CTNNA2: variants seen among roughly 807,000 people sequenced by gnomAD.
CTNNA2 encodes the protein catenin alpha-2.
CTNNA2 carries 42 observed loss-of-function variants against 101.0 expected under a neutral mutation model. That is an observed-to-expected ratio of 0.42 (90% CI 0.32 to 0.54). CTNNA2 has a LOEUF of 0.54. Among genes scored for constraint, CTNNA2 ranks in the 20% least tolerant of loss-of-function variants. The probability of loss-of-function intolerance (pLI) is 0.14; values close to 1 mark genes in which losing one functional copy is unlikely to be tolerated. For synonymous variants in CTNNA2, 450 were observed against 456.4 expected (o/e 0.99, Z 0.18); for missense variants, 871 against 1,223.1 (o/e 0.71, Z 4.29).
chr2:79,731,656 C>A (rs1573816673), intron 2 of CTNNA2, among the ~76,000 whole-genome samples: 1 of 151,994 alleles, frequency 6.6e-6, no homozygotes, highest in South Asian at 2.1e-4. Flanking sequence ...CTAGTGGAGG[C>A]TTGGTAAGGA....
chr2:79,322,687 C>T (rs1434171), intron 3 of CTNNA2, among the ~76,000 whole-genome samples: 150,081 of 152,298 alleles, frequency 0.99, 73,970 homozygotes, highest in East Asian at 1. Flanking sequence ...TTCCATTGCT[C>T]CATTCAATTC....
At chr2:79,754,815 T>C (rs1047145757) in intron 3 of CTNNA2, among the ~76,000 whole-genome samples, 12 of 152,042 alleles carry the variant, frequency 7.9e-5, no homozygotes, top group African/African-American at 2.9e-4. Flanking sequence ...TTGCTGGTCT[T>C]AGGGTAAGAT....
intron 4 of CTNNA2, among the ~76,000 whole-genome samples, chr2:79,455,138 G>A (rs1382950522): frequency 1.3e-5 from 2 of 152,176 alleles, no homozygotes; most frequent in African/African-American, 4.8e-5. Context: ...AAATGACTAT[G>A]CTCATCATGC....
intron 7 of CTNNA2, among the ~76,000 whole-genome samples, chr2:79,973,312 C>T (rs890226979): frequency 3.3e-5 from 5 of 152,060 alleles, no homozygotes; most frequent in South Asian, 2.1e-4. Context: ...GATGGATGGC[C>T]TCTGGGATTC....
intron 7 of CTNNA2, among the ~76,000 whole-genome samples, chr2:80,076,327 G>A (rs929854221): frequency 6.6e-6 from 1 of 151,126 alleles, no homozygotes; most frequent in Non-Finnish European, 1.5e-5. Flanking sequence ...TGCTAAGGCT[G>A]GAGTACAGTG....
In CTNNA2 at chr2:79,832,908, T is replaced by G. The variant is rs931155956; in HGVS notation, c.299-25105T>G. Among the ~76,000 whole-genome samples, 32 of 152,366 alleles carry G rather than the reference T, an allele frequency of 2.1e-4. 1 individual carries two copies. The highest frequency in any genetic ancestry group is 1.1e-3 in the Admixed American group (17 of 15,306). On this transcript the variant is annotated intron_variant, in intron 3 of 18. Transcript: ENST00000402739. ...TACTATTCTCGTAAATTTTAAACCT[T>G]ATTTGTTTTCCATTGCTACTGATTA... is the stretch of plus-strand genomic sequence containing the variant.
chr2:79,255,409 C>T (rs1674831295), intron 2 of CTNNA2, among the ~76,000 whole-genome samples: 1 of 152,162 alleles, frequency 6.6e-6, no homozygotes, highest in Non-Finnish European at 1.5e-5. Context: ...ATACATGGTA[C>T]ATTACTGGTA....
intron 4 of CTNNA2, among the ~76,000 whole-genome samples, chr2:79,430,107 C>G (rs995472652): frequency 6.6e-6 from 1 of 151,888 alleles, no homozygotes; most frequent in African/African-American, 2.4e-5. Flanking sequence ...TTGAGAGAAG[C>G]AAAAATCTCA....
chr2:79,991,433 G>A (rs1267676488), intron 7 of CTNNA2, among the ~76,000 whole-genome samples: 2 of 151,698 alleles, frequency 1.3e-5, no homozygotes, highest in Non-Finnish European at 2.9e-5. Flanking sequence ...ATAACCTTGC[G>A]CAGGTGACTT....
rs182110221 is a variant in CTNNA2, at chr2:79,879,285, T to A, written c.852+4943T>A. On this transcript the variant is annotated intron_variant, in intron 6 of 18. Coordinates refer to ENST00000402739, the MANE Select transcript of CTNNA2 (RefSeq NM_001282597.3). ...GCTTTGTTCTTTTTGCTTAGGATTG[T>A]CTTGGCTATACGGGGTCTTCTTTAA... is the stretch of plus-strand genomic sequence containing the variant. 1.7e-3 allele frequency among the ~76,000 whole-genome samples: 253 copies of A among 152,288 alleles called. 1 individual carries two copies. Among genetic ancestry groups the A allele is most frequent in the Admixed American group, 2.2e-3 (34 of 15,292 alleles).
At chr2:80,130,054 AAAG>A (rs781067194) in intron 7 of CTNNA2, among the ~76,000 whole-genome samples, 13 of 152,136 alleles carry the variant, frequency 8.5e-5, no homozygotes, top group Non-Finnish European at 1.6e-4. Context: ...AACCTGATCA[AAAG>A]AAGAAGAGAA....
chr2:79,884,903 T>C (rs1402614264), intron 6 of CTNNA2, among the ~76,000 whole-genome samples: 1 of 152,076 alleles, frequency 6.6e-6, no homozygotes, highest in East Asian at 1.9e-4. Flanking sequence ...CTGGCAAGAA[T>C]TGTATGTAGG....
intron 1 of CTNNA2, among the ~76,000 whole-genome samples, chr2:79,572,249 C>T (rs1178920464): frequency 6.6e-6 from 1 of 152,052 alleles, no homozygotes; most frequent in African/African-American, 2.4e-5. Context: ...CTTGTGGTCT[C>T]CACCAGCTTC....
intron 7 of CTNNA2, among the ~76,000 whole-genome samples, chr2:80,092,035 G>C (rs541509746): frequency 1.3e-5 from 2 of 152,080 alleles, no homozygotes; most frequent in Non-Finnish European, 1.5e-5. Flanking sequence ...ATTTACTTTT[G>C]TGTCTCTAGC....
At chr2:80,075,532 T>TTATAAAAATAATA (rs1698619851) in intron 7 of CTNNA2, among the ~76,000 whole-genome samples, 2 of 144,950 alleles carry the variant, frequency 1.4e-5, no homozygotes, top group African/African-American at 5.0e-5. Context: ...AAAAAATAAC[T>TTATAAAAATAATA]GTTATAAAAA....
chr2:79,649,307 C>T (rs1681049749), intron 1 of CTNNA2: 1 of 154,696 alleles, frequency 6.5e-6, no homozygotes, highest in African/African-American at 2.4e-5. Context: ...TGCAGTCTTA[C>T]CCAGTACCTG....
At chr2:80,583,280 T>C (rs1695695145) in intron 14 of CTNNA2, among the ~76,000 whole-genome samples, 1 of 152,154 alleles carries the variant, frequency 6.6e-6, no homozygotes, top group Non-Finnish European at 1.5e-5. Context: ...TATCATCCTT[T>C]CTAAGAGAAA....
chr2:79,413,882 G>A (rs1316959987), intron 4 of CTNNA2, among the ~76,000 whole-genome samples: 2 of 143,684 alleles, frequency 1.4e-5, no homozygotes, highest in African/African-American at 5.1e-5. Context: ...AATCTCTATT[G>A]AAGTTCCTTG....
At position 79,989,886 on chromosome 2, in the gene CTNNA2, A is replaced by G. The variant is rs189197165; in HGVS notation, c.1056+80089A>G. ...GTAATCCAGTAGCTGAATAAGTTGG[A>G]TTGAACTAGATATCTATCTGCCTTT... On this transcript the variant is annotated intron_variant, in intron 7 of 18. Coordinates refer to ENST00000402739, the MANE Select transcript of CTNNA2 (RefSeq NM_001282597.3). 1.8e-3 allele frequency among the ~76,000 whole-genome samples: 269 copies of G among 152,268 alleles called. 3 individuals are homozygous for G. Among genetic ancestry groups the G allele is most frequent in the African/African-American group, 6.3e-3 (261 of 41,550 alleles).
Sources: allele counts gnomAD v4.1 joint callset (sites outside exome capture counted in the v4.1 genomes callset), GRCh38; gene constraint gnomAD v4.1.1; transcripts MANE v1.5; gene names NCBI Gene and HGNC (gene_info 2026-07-23, HGNC 2026-07-21).